Variants in SSH2 observed in about 807,000 individuals in gnomAD.
The protein encoded by SSH2 is slingshot protein phosphatase 2, also known as protein phosphatase Slingshot homolog 2.
Under a neutral mutation model 135.2 loss-of-function variants are expected in SSH2, and 37 were observed. The ratio of observed to expected loss-of-function variants is 0.27; its 90% CI spans 0.21 to 0.36. SSH2 has a LOEUF of 0.36. SSH2 is among the 10% of genes least tolerant of loss of function. The pLI is 1.00. For synonymous variants in SSH2, 628 were observed against 646.2 expected (o/e 0.97, Z 0.43); for missense variants, 1,408 against 1,765.3 (o/e 0.80, Z 3.63).
In SSH2 at chr17:29,829,017, T is replaced by G. The variant is rs1487458167; in HGVS notation, c.144+19832A>C. ...TACATGTTTCTGTACCATTTGAGAC[T>G]AGAGTCCTAAAGTCCATTAGTGTAG... On this transcript the variant is annotated intron_variant, in intron 2 of 15. Coordinates refer to ENST00000540801, the MANE Select transcript of SSH2 (RefSeq NM_001282129.2). 3.3e-5 allele frequency among the ~76,000 whole-genome samples: 5 copies of G among 152,186 alleles called. No individual in the cohort carries two copies. The South Asian group carries it at 1.0e-3, about 32-fold the overall frequency.
At chr17:29,700,386 C>T (rs2038926735) in intron 4 of SSH2, among the ~76,000 whole-genome samples, 1 of 152,160 alleles carries the variant, frequency 6.6e-6, no homozygotes, top group Admixed American at 6.5e-5. Flanking sequence ...TGTGGATATC[C>T]TATACCTGGA....
In SSH2 at chr17:29,769,128, A is replaced by G. The variant is rs182757702; in HGVS notation, c.188+24766T>C. Reference sequence around the variant, plus strand: ...TTATAAACAATCCTATGATTCTATTATTATCTCTATGAGGCTCAGAGAGGT... The same window carrying G: ...TTATAAACAATCCTATGATTCTATTGTTATCTCTATGAGGCTCAGAGAGGT... On this transcript the variant is annotated intron_variant, in intron 3 of 15. Coordinates refer to ENST00000540801, the MANE Select transcript of SSH2 (RefSeq NM_001282129.2). 9.2e-5 allele frequency among the ~76,000 whole-genome samples: 14 copies of G among 152,326 alleles called. No homozygotes were observed. In the East Asian group the frequency reaches 2.3e-3, roughly 25 times the overall value.
chr17:29,662,637 TTTTTAAC>T (rs923365743), intron 11 of SSH2, among the ~76,000 whole-genome samples: 19 of 152,342 alleles, frequency 1.2e-4, no homozygotes, highest in African/African-American at 4.3e-4. Context: ...TGAGGATTTT[TTTTTAAC>T]TTTTAAGTTC....
At chr17:29,770,097 T>TTGG (rs1555630906) in intron 3 of SSH2, among the ~76,000 whole-genome samples, 1 of 117,380 alleles carries the variant, frequency 8.5e-6, no homozygotes, top group Non-Finnish European at 1.8e-5. Context: ...ATTTAGTTTT[T>TTGG]TTTTTTTTTT....
chr17:29,685,828 A>ACTTT (rs944759879), intron 5 of SSH2, among the ~76,000 whole-genome samples: 1 of 148,598 alleles, frequency 6.7e-6, no homozygotes, highest in Non-Finnish European at 1.5e-5. Context: ...GTGAGGATGT[A>ACTTT]CTTTCTTTCT....
chr17:29,689,602 C>T, intron 5 of SSH2, among the ~76,000 whole-genome samples: 1 of 152,122 alleles, frequency 6.6e-6, no homozygotes, highest in East Asian at 1.9e-4. Flanking sequence ...CATTTACTGC[C>T]TAAATGTGGA....
At position 29,838,550 on chromosome 17, in the gene SSH2, G is replaced by T. The variant is rs550912126; in HGVS notation, c.144+10299C>A. 4.6e-5 allele frequency among the ~76,000 whole-genome samples: 7 copies of T among 152,304 alleles called. No homozygotes were observed. The South Asian group carries it at 1.4e-3, about 32-fold the overall frequency. On this transcript the variant is annotated intron_variant, in intron 2 of 15. Coordinates refer to ENST00000540801, the MANE Select transcript of SSH2 (RefSeq NM_001282129.2). ...CGTCCACTCATGAACCAACTGGCAT[G>T]CACTTCCTTCCCTCTGAGGCCCATG...
intron 3 of SSH2, among the ~76,000 whole-genome samples, chr17:29,763,862 G>A (rs895529821): frequency 6.6e-6 from 1 of 151,860 alleles, no homozygotes; most frequent in African/African-American, 2.4e-5. Context: ...CCCTATCCAG[G>A]CTTTTTCAAA....
chr17:29,913,281 G>A (rs1212872942), intron 1 of SSH2, among the ~76,000 whole-genome samples: 1 of 117,850 alleles, frequency 8.5e-6, no homozygotes. Flanking sequence ...TCACGGCACT[G>A]CACTCCAGCC....
chr17:29,751,627 A>G (rs923796715), intron 3 of SSH2, among the ~76,000 whole-genome samples: 3 of 152,228 alleles, frequency 2.0e-5, no homozygotes, highest in African/African-American at 7.2e-5. Context: ...TTATGCTACG[A>G]CATTATGACA....
intron 2 of SSH2, among the ~76,000 whole-genome samples, chr17:29,813,089 TA>T (rs2042476423): frequency 6.6e-6 from 1 of 151,130 alleles, no homozygotes; most frequent in South Asian, 2.1e-4. Context: ...TAAACACCAA[TA>T]AAAAAATGGG....
intron 1 of SSH2, among the ~76,000 whole-genome samples, chr17:29,912,250 T>G (rs527794467): frequency 6.6e-6 from 1 of 152,330 alleles, no homozygotes; most frequent in African/African-American, 2.4e-5. Context: ...ACACTATTAA[T>G]GGCAAAACAG....
chr17:29,792,004 C>T (rs996075100), intron 3 of SSH2, among the ~76,000 whole-genome samples: 3 of 150,714 alleles, frequency 2.0e-5, no homozygotes, highest in Non-Finnish European at 3.0e-5. Context: ...CTCACTGCAA[C>T]CTCCACCTCC....
intron 3 of SSH2, among the ~76,000 whole-genome samples, chr17:29,778,089 CA>C (rs1454115088): frequency 6.6e-6 from 1 of 151,662 alleles, no homozygotes; most frequent in Non-Finnish European, 1.5e-5. Flanking sequence ...TAACATTTTA[CA>C]GTTTTTCAAT....
At chr17:29,684,380 G>A (rs2038115279) in intron 6 of SSH2, among the ~76,000 whole-genome samples, 183 bp downstream of exon 6, 1 of 151,880 alleles carries the variant, frequency 6.6e-6, no homozygotes, top group Admixed American at 6.6e-5. Context: ...AGGAGGCTGA[G>A]GCAGGAGAAT....
chr17:29,761,193 A>G (rs1196558090), intron 3 of SSH2: 1 of 1,289,744 alleles, frequency 7.8e-7, no homozygotes, highest in South Asian at 1.2e-5. Flanking sequence ...TTGGCGGAGA[A>G]GTAAGGAATC....
intron 1 of SSH2, among the ~76,000 whole-genome samples, chr17:29,886,021 G>C (rs1775263295): frequency 6.6e-6 from 1 of 152,172 alleles, no homozygotes; most frequent in Non-Finnish European, 1.5e-5. Context: ...GTGGGGCACT[G>C]CTATAAAGAT....
At chr17:29,929,573 C>T (rs1202634279) in intron 1 of SSH2, among the ~76,000 whole-genome samples, 1 of 151,940 alleles carries the variant, frequency 6.6e-6, no homozygotes, top group Non-Finnish European at 1.5e-5. Context: ...TAAGGGGCAA[C>T]GCAGGAGGCT....
At chr17:29,904,231 A>T (rs554018405) in intron 1 of SSH2, among the ~76,000 whole-genome samples, 1 of 152,334 alleles carries the variant, frequency 6.6e-6, no homozygotes, top group South Asian at 2.1e-4. Context: ...TCCTTGGTGA[A>T]CATCGATGGA....
Sources: allele counts gnomAD v4.1 joint callset (sites outside exome capture counted in the v4.1 genomes callset), GRCh38; gene constraint gnomAD v4.1.1; transcripts MANE v1.5; gene names NCBI Gene and HGNC (gene_info 2026-07-23, HGNC 2026-07-21).